LRRC53: variants seen among roughly 807,000 people sequenced by gnomAD.
The protein encoded by LRRC53 is leucine rich repeat containing 53, also known as leucine-rich repeat-containing protein 53.
A neutral mutation model predicts 13.6 loss-of-function variants in LRRC53; 25 were observed. The ratio of observed to expected loss-of-function variants is 1.83; its 90% confidence interval spans 1.34 to 2.56. The LOEUF is 2.56. Ranked by LOEUF, LRRC53 falls within the 30% of genes most tolerant of loss-of-function variation. The pLI is 0.00. For missense variants in LRRC53, 527 were observed against 275.8 expected (o/e 1.91, Z -6.45); for synonymous variants, 204 against 109.8 (o/e 1.86, Z -5.37).
At chr1:74,505,501 C>T (rs1402389081) in intron 1 of LRRC53, among the ~76,000 whole-genome samples, 1 of 152,214 alleles carries the variant, frequency 6.6e-6, no homozygotes, top group Non-Finnish European at 1.5e-5. Context: ...ATTTCTGAAG[C>T]AGCTCTTACA....
At chr1:74,500,826 A>C (rs566156487) in intron 1 of LRRC53, among the ~76,000 whole-genome samples, 4 of 151,916 alleles carry the variant, frequency 2.6e-5, no homozygotes, top group African/African-American at 4.8e-5. Flanking sequence ...TTGCTGTTAA[A>C]ATTTCATCTA....
At chr1:74,491,942 G>C (rs560237383) in intron 1 of LRRC53, among the ~76,000 whole-genome samples, 1 of 152,280 alleles carries the variant, frequency 6.6e-6, no homozygotes, top group South Asian at 2.1e-4. Flanking sequence ...GTTGCCACTA[G>C]ACTTTTTCCT....
intron 1 of LRRC53, among the ~76,000 whole-genome samples, chr1:74,494,554 CT>C (rs1221963615): frequency 3.3e-5 from 5 of 152,172 alleles, no homozygotes; most frequent in Non-Finnish European, 7.4e-5. Context: ...CCAGTTCTAT[CT>C]TCTGTTCTTA....
the LRRC53 span, among the ~76,000 whole-genome samples, chr1:74,518,136 G>A: frequency 1.3e-5 from 2 of 152,148 alleles, no homozygotes; most frequent in Non-Finnish European, 2.9e-5. Context: ...TCAAGAAGAA[G>A]CAAAGAAATG....
intron 1 of LRRC53, chr1:74,489,257 T>G (rs1248609693): frequency 1.2e-6 from 2 of 1,606,244 alleles, no homozygotes. Flanking sequence ...AGGTAAAAGC[T>G]TTAGCTTCTG....
the LRRC53 span, among the ~76,000 whole-genome samples, chr1:74,518,946 T>C: frequency 9.2e-6 from 1 of 109,240 alleles, no homozygotes; most frequent in African/African-American, 5.1e-5. Context: ...GTTAGTTACA[T>C]ATGTATACAT....
rs970008610 is a variant in LRRC53, at chr1:74,471,205, G to C, written c.2417C>G (p.Ala806Gly). 2.5e-6 allele frequency: 1 copy of C among 400,564 alleles called. No homozygotes were observed. Among genetic ancestry groups the C allele is most frequent in the African/African-American group, 2.1e-5 (1 of 48,660 alleles). The allele number at this position is 400,564 out of a possible 1,614,324, so 24.8% of individuals were successfully genotyped here. Residue 806 changes from alanine to glycine, a missense_variant, in exon 5 of 5, where the codon GCC (alanine) becomes GGC (glycine). Coordinates refer to ENST00000294635, the MANE Select transcript of LRRC53 (RefSeq NM_001382280.1). ...CAAGTTGTTAGCACTGAGCAGGGGG[G>C]CACGTTTAGTGTTTCGTTGATAATA... is the stretch of plus-strand genomic sequence containing the variant. ...TPYYQRNTKR[A>G]PLLSANNLRV...
chr1:74,478,162 A>T (rs1345878635), intron 3 of LRRC53, among the ~76,000 whole-genome samples: 1 of 152,232 alleles, frequency 6.6e-6, no homozygotes, highest in Non-Finnish European at 1.5e-5. Flanking sequence ...CGTGTGCTTC[A>T]GAAAGAGTGG....
In LRRC53 at chr1:74,472,183, A is replaced by G. The variant is rs564967203; in HGVS notation, c.1439T>C (p.Phe480Ser). The G allele has an allele frequency of 1.4e-6, 1 of 716,934 alleles. No homozygotes were observed. Among genetic ancestry groups the G allele is most frequent in the South Asian group, 1.5e-5 (1 of 67,580 alleles). 44.4% of individuals were successfully genotyped at this position (716,934 alleles called of 1,614,324 possible). A position where few individuals can be genotyped will look rare whatever the true frequency, so the allele number is the denominator to read the frequency against. Reference protein sequence around the residue: ...IRTEDISSDIFRRRYATPASA... With the variant: ...IRTEDISSDISRRRYATPASA... ...AGCGGGTGTTGCATATCTTCTTCTA[A>G]ATATGTCACTGCTGATATCTGTGGA... Residue 480 changes from phenylalanine to serine, a missense_variant, in exon 5 of 5, where the codon TTT (phenylalanine) becomes TCT (serine). By Grantham distance (155) the Phe-to-Ser change is radical. Transcript: ENST00000294635.
At chr1:74,536,480 T>G in the LRRC53 span, among the ~76,000 whole-genome samples, 3 of 152,302 alleles carry the variant, frequency 2.0e-5, no homozygotes, top group South Asian at 6.2e-4. Flanking sequence ...TAATAAATTA[T>G]TCATATCCTA....
At chr1:74,516,586 C>A (rs1646351351), upstream of LRRC53, among the ~76,000 whole-genome samples, 1 of 152,108 alleles carries the variant, frequency 6.6e-6, no homozygotes, top group South Asian at 2.1e-4. Context: ...TAGACCCAGG[C>A]CTGCTGCTTG....
chr1:74,501,472 T>TCG (rs1669622835), intron 1 of LRRC53, among the ~76,000 whole-genome samples: 1 of 112,822 alleles, frequency 8.9e-6, no homozygotes, highest in African/African-American at 3.0e-5. Context: ...TTTTTTTGTT[T>TCG]TGTGTTTGTT....
At chr1:74,501,474 GTGTTTGTT>G (rs71588835) in intron 1 of LRRC53, among the ~76,000 whole-genome samples, 48 of 149,942 alleles carry the variant, frequency 3.2e-4, no homozygotes, top group Middle Eastern at 3.4e-3. Context: ...TTTTTGTTTT[GTGTTTGTT>G]TGTTTGTTTG....
chr1:74,501,301 T>C (rs184230135), intron 1 of LRRC53, among the ~76,000 whole-genome samples: 1 of 152,334 alleles, frequency 6.6e-6, no homozygotes, highest in East Asian at 1.9e-4. Flanking sequence ...ATTTCTAATT[T>C]ATATTCCAGT....
intron 4 of LRRC53, among the ~76,000 whole-genome samples, chr1:74,473,170 G>A (rs942200198): frequency 6.6e-6 from 1 of 152,104 alleles, no homozygotes; most frequent in African/African-American, 2.4e-5. Flanking sequence ...CATAATGTAC[G>A]TTCATCATCT....
At chr1:74,479,096 G>A (rs1668349428) in intron 3 of LRRC53, among the ~76,000 whole-genome samples, 1 of 152,058 alleles carries the variant, frequency 6.6e-6, no homozygotes, top group Non-Finnish European at 1.5e-5. Context: ...ATGATTTATA[G>A]CACATATTTA....
the LRRC53 span, among the ~76,000 whole-genome samples, chr1:74,528,418 G>C: frequency 6.6e-6 from 1 of 152,152 alleles, no homozygotes. Flanking sequence ...GAACACATGA[G>C]AGTGAGGAAG....
chr1:74,523,223 T>C, the LRRC53 span, among the ~76,000 whole-genome samples: 1 of 152,208 alleles, frequency 6.6e-6, no homozygotes, highest in Non-Finnish European at 1.5e-5. Flanking sequence ...TAAGGAATTG[T>C]ATGTGAAATA....
At chr1:74,511,570 A>G (rs1026712050) in intron 1 of LRRC53, among the ~76,000 whole-genome samples, 1 of 152,118 alleles carries the variant, frequency 6.6e-6, no homozygotes, top group African/African-American at 2.4e-5. Flanking sequence ...GCATTTATCT[A>G]TCATTTATTA....
Sources: gnomAD v4.1 joint callset for allele counts (sites outside exome capture counted in the v4.1 genomes callset) on GRCh38, gnomAD v4.1.1 for gene constraint, MANE v1.5 for transcripts, NCBI Gene and HGNC (gene_info 2026-07-23, HGNC 2026-07-21) for gene names.